The following PDCD6 variants were observed in gnomAD, a reference collection of about 807,000 sequenced individuals.
PDCD6 encodes programmed cell death 6, also known as programmed cell death protein 6.
Under a neutral mutation model 28.3 loss-of-function variants are expected in PDCD6, and 12 were observed. The ratio of observed to expected loss-of-function variants is 0.42; its 90% CI spans 0.27 to 0.69. The LOEUF is 0.69. PDCD6 is among the 30% of genes least tolerant of loss of function. The pLI, the probability that PDCD6 is intolerant of heterozygous loss-of-function variation, is 0.22. For synonymous variants in PDCD6, 92 were observed against 108.0 expected, an observed-to-expected ratio of 0.85 and a Z score of 0.92; for missense variants, 226 against 269.9, an observed-to-expected ratio of 0.84 and a Z score of 1.14.
chr5:275,339 C>T (rs1579474309), intron 2 of PDCD6, among the ~76,000 whole-genome samples: 1 of 152,214 alleles, frequency 6.6e-6, no homozygotes. Flanking sequence ...CCCTGAGAGA[C>T]GCTGGCTTTC....
intron 2 of PDCD6, among the ~76,000 whole-genome samples, chr5:277,843 A>G (rs1467998390): frequency 3.4e-5 from 5 of 146,340 alleles, no homozygotes; most frequent in African/African-American, 1.3e-4. Flanking sequence ...TGAACCTGGG[A>G]GGCAGAGGTT....
chr5:313,356 C>T (rs1741047270), intron 5 of PDCD6, among the ~76,000 whole-genome samples: 1 of 152,312 alleles, frequency 6.6e-6, no homozygotes, highest in South Asian at 2.1e-4. Context: ...AAAAATTACC[C>T]ATTACTCTTT....
Position 302,471 on chromosome 5 carries a change from C to T in PDCD6, c.164-1706C>T, listed in dbSNP as rs11951625. Among the ~76,000 whole-genome samples the T allele has an allele frequency of 1.7e-3, 124 of 72,070 alleles. 5 individuals carry two copies. Among genetic ancestry groups the T allele is most frequent in the Middle Eastern group, 0.013 (1 of 78 alleles). 47.3% of individuals were successfully genotyped at this position (72,070 alleles called of 152,430 possible). A position where few individuals can be genotyped will look rare whatever the true frequency, so the allele number is the denominator to read the frequency against. ...GCTTCCCTGCATAACTGCTGGAGGG[C>T]GGGTCATGGAGTGCTGCTGCTGTGT... On this transcript the variant is annotated intron_variant, in intron 2 of 5. Transcript: ENST00000264933.
At chr5:275,025 T>C (rs1738099485) in intron 2 of PDCD6, among the ~76,000 whole-genome samples, 1 of 148,628 alleles carries the variant, frequency 6.7e-6, no homozygotes, top group African/African-American at 2.5e-5. Context: ...GAGTCACTTT[T>C]CTTAGGCGCC....
intron 2 of PDCD6, chr5:276,846 T>C (rs1445395813): frequency 2.0e-6 from 2 of 985,252 alleles, no homozygotes; most frequent in Non-Finnish European, 2.4e-6. Context: ...GGAGAGCTGC[T>C]AAAAATTACT....
intron 2 of PDCD6, among the ~76,000 whole-genome samples, chr5:283,010 A>G (rs1309661298): frequency 2.0e-5 from 3 of 149,422 alleles, no homozygotes; most frequent in East Asian, 2.0e-4. Context: ...TAGATTGAGC[A>G]TCGTACAGCT....
chr5:285,031 G>T lies in PDCD6; in HGVS notation c.163+12259G>T, dbSNP rs1249280737. The stretch of plus-strand genomic sequence containing the variant: ...TCTCCAGCTGCACAGCCCTCAAACT[G>T]CAACATCGGCTACCCCCGAGTCTCC... On this transcript the variant is annotated intron_variant, in intron 2 of 5. Transcript: ENST00000264933. Among the ~76,000 whole-genome samples, 3 of 147,136 alleles carry T rather than the reference G, an allele frequency of 2.0e-5. No homozygotes were observed. The South Asian group carries it at 7.4e-4, about 36-fold the overall frequency.
intron 4 of PDCD6, 173 bp from the exon 5 acceptor site, chr5:311,120 T>C (rs1171933546): frequency 6.4e-6 from 4 of 626,318 alleles, no homozygotes; most frequent in African/African-American, 1.9e-5. Flanking sequence ...CAGAATGATA[T>C]ATTCGGGAAG....
chr5:280,154 C>T (rs1187925601), intron 2 of PDCD6, among the ~76,000 whole-genome samples: 3 of 151,726 alleles, frequency 2.0e-5, no homozygotes, highest in South Asian at 4.2e-4. Flanking sequence ...ACCTGAGGGG[C>T]GACCAGCAGG....
At chr5:290,050 G>C (rs1409328525) in intron 2 of PDCD6, 1 of 1,587,514 alleles carries the variant, frequency 6.3e-7, no homozygotes, top group East Asian at 2.2e-5. Context: ...GTTAAATCCA[G>C]TGACAATTCT....
chr5:306,707 A>G lies in PDCD6; in HGVS notation c.314A>G (p.Asp105Gly), dbSNP rs759143857. 6.2e-7 allele frequency: 1 copy of G among 1,614,056 alleles called. No homozygotes were observed. Among genetic ancestry groups the G allele is most frequent in the East Asian group, 2.2e-5 (1 of 44,880 alleles). Residue 105 changes from aspartate (D) to glycine (G), a missense_variant, in exon 4 of 6, where the codon GAC becomes GGC. By Grantham distance (94) the Asp-to-Gly change is moderately conservative. Transcript: ENST00000264933. Reference protein sequence around the residue: ...WQNVFRTYDRDNSGMIDKNEL... With the variant: ...WQNVFRTYDRGNSGMIDKNEL... ...AACGTCTTCCGCACGTACGACCGGG[A>G]CAACTCCGGGATGATCGATAAGAAC...
Position 271,758 on chromosome 5 carries a change from G to A in PDCD6, c.38G>A (p.Gly13Asp), listed in dbSNP as rs1737814571. 6.8e-7 allele frequency: 1 copy of A among 1,468,064 alleles called. No individual in the cohort carries two copies. The highest frequency in any genetic ancestry group is 1.5e-5 in the African/African-American group (1 of 66,288). 90.9% of individuals were successfully genotyped at this position (1,468,064 alleles called of 1,614,324 possible). Residue 13 changes from glycine (G) to aspartate (D), a missense_variant, in exon 1 of 6, where the codon GGC becomes GAC. Gly to Asp is a moderately conservative substitution (Grantham distance 94). Around this residue, in one of 3 missense-constraint regions of PDCD6, gnomAD observed 72 missense variants for 71.4 expected, o/e 1.01. Transcript: ENST00000264933. ...TCTTACCGCCCCGGCCCTGGGGCCG[G>A]CCCTGGGCCTGCTGCAGGCGCGGCG... ...AYSYRPGPGA[G>D]PGPAAGAALP...
intron 2 of PDCD6, among the ~76,000 whole-genome samples, chr5:275,314 C>T (rs1221946184): frequency 6.6e-6 from 1 of 152,204 alleles, no homozygotes; most frequent in African/African-American, 2.4e-5. Flanking sequence ...CCATGAAGCC[C>T]GTAGTCACTG....
chr5:287,820 A>G (rs1207830551), intron 2 of PDCD6, among the ~76,000 whole-genome samples: 1 of 152,188 alleles, frequency 6.6e-6, no homozygotes, highest in Non-Finnish European at 1.5e-5. Flanking sequence ...ATGGTGTTTC[A>G]TACCATTGAC....
At chr5:303,348 C>T (rs1352270932) in intron 2 of PDCD6, among the ~76,000 whole-genome samples, 2 of 151,062 alleles carry the variant, frequency 1.3e-5, no homozygotes, top group Non-Finnish European at 2.9e-5. Flanking sequence ...TGAGGAGAGC[C>T]ACTGGTCTCT....
intron 2 of PDCD6, among the ~76,000 whole-genome samples, chr5:302,308 G>GT (rs1740130308): frequency 8.3e-6 from 1 of 120,030 alleles, no homozygotes; most frequent in African/African-American, 3.2e-5. Context: ...CTGTGTGTGT[G>GT]GGCCTCAGGT....
intron 2 of PDCD6, among the ~76,000 whole-genome samples, chr5:280,278 C>T (rs1357961111): frequency 1.3e-5 from 2 of 151,936 alleles, no homozygotes; most frequent in African/African-American, 4.9e-5. Context: ...GTTTGAGGAA[C>T]GGATAGAGGC....
At position 314,429 on chromosome 5, in the gene PDCD6, A is replaced by G. The variant is rs909500893; in HGVS notation, c.490A>G (p.Ile164Val). The G allele has an allele frequency of 1.2e-6, 2 of 1,612,656 alleles. No homozygotes were observed. The highest frequency in any genetic ancestry group is 1.3e-5 in the African/African-American group (1 of 75,046). The change falls in exon 6 of 6, where the codon ATA becomes GTA. Residue 164 changes from isoleucine (I) to valine (V), a missense_variant. Coordinates refer to ENST00000264933, the MANE Select transcript of PDCD6 (RefSeq NM_013232.4). ...GTTTTCTCCCCAGAGGTTGACGGATATATTCAGACGTTACGACACGGATCA... is the reference window on the plus strand; with the variant it reads ...GTTTTCTCCCCAGAGGTTGACGGATGTATTCAGACGTTACGACACGGATCA... ...GCIVLQRLTD[I>V]FRRYDTDQDG...
At chr5:285,005 G>A (rs1157153137) in intron 2 of PDCD6, among the ~76,000 whole-genome samples, 1 of 149,202 alleles carries the variant, frequency 6.7e-6, no homozygotes, top group Non-Finnish European at 1.5e-5. Flanking sequence ...TCCCATCCGG[G>A]TCTCCAGCTG....
Sources: gnomAD v4.1 joint callset for allele counts (sites outside exome capture counted in the v4.1 genomes callset) on GRCh38, gnomAD v4.1.1 for gene constraint, gnomAD v4.1.1 regional missense constraint, MANE v1.5 for transcripts, NCBI Gene and HGNC (gene_info 2026-07-23, HGNC 2026-07-21) for gene names.